Variants in CPSF1 observed in about 807,000 individuals in gnomAD.
The protein encoded by CPSF1 is cleavage and polyadenylation specific factor 1.
CPSF1 carries 106 observed loss-of-function variants against 175.8 expected under a neutral mutation model. The ratio of observed to expected loss-of-function variants is 0.60; its 90% CI spans 0.52 to 0.71. The LOEUF (loss-of-function observed/expected upper bound fraction) is 0.71. Ranked by LOEUF, CPSF1 falls within the 30% of genes least tolerant of loss-of-function variation. The pLI, the probability that CPSF1 is intolerant of heterozygous loss-of-function variation, is 0.00. For missense variants in CPSF1, 1,734 were observed against 2,022.9 expected (o/e 0.86, Z 2.74); for synonymous variants, 1,024 against 858.3 (o/e 1.19, Z -3.37).
rs1286273301 is a variant in CPSF1 at position 144,409,288 on chromosome 8, C to G, written c.-15+1G>C. The G allele has an allele frequency of 8.1e-6, 7 of 861,682 alleles. No homozygotes were observed. Among genetic ancestry groups the G allele is most frequent in the Non-Finnish European group, 1.1e-5 (7 of 664,084 alleles). The allele number at this position is 861,682 out of a possible 1,614,324, so 53.4% of individuals were successfully genotyped here. On this transcript the variant is annotated splice_donor_variant, in intron 1 of 37. Coordinates refer to ENST00000616140, the MANE Select transcript of CPSF1 (RefSeq NM_013291.3). LOFTEE classifies it low-confidence loss of function (5UTR_SPLICE). ...CCTCGGCCGCCCGCCCGGCCGCCCACCTGGCAGTTGGAGCCGACTCGAGAG... is the reference window on the plus strand; with the variant it reads ...CCTCGGCCGCCCGCCCGGCCGCCCAGCTGGCAGTTGGAGCCGACTCGAGAG...
chr8:144,397,801 G>A lies in CPSF1; in HGVS notation c.2152C>T (p.Arg718Cys), dbSNP rs781975619. Reference sequence around the variant, plus strand: ...CCACTGCGGCCCCCGAGCTCGTCACGGGCCCCACCCAGGCGGCTCTCAGTG... The same window carrying A: ...CCACTGCGGCCCCCGAGCTCGTCACAGGCCCCACCCAGGCGGCTCTCAGTG... Reference protein sequence around the residue: ...FTTESRLGGARDELGGRSGPE... With the variant: ...FTTESRLGGACDELGGRSGPE... The change falls in exon 21 of 38, where the codon CGT (arginine) becomes TGT (cysteine). Residue 718 changes from arginine to cysteine, a missense_variant. By Grantham distance (180) the Arg-to-Cys change is radical. Coordinates refer to ENST00000616140, the MANE Select transcript of CPSF1 (RefSeq NM_013291.3). 1.9e-5 allele frequency: 30 copies of A among 1,610,706 alleles called. No homozygotes were observed. Among genetic ancestry groups the A allele is most frequent in the Middle Eastern group, 1.7e-4 (1 of 6,052 alleles).
rs2116901609 is a variant in CPSF1, at chr8:144,405,347, G to A, written c.144+3668C>T. 2.0e-5 allele frequency among the ~76,000 whole-genome samples: 3 copies of A among 152,322 alleles called. No homozygotes were observed. The South Asian group carries it at 6.2e-4, about 32-fold the overall frequency. On this transcript the variant is annotated intron_variant, in intron 2 of 37. Transcript: ENST00000616140. ...AAACACCTGGGAATGTCTTGGCCGG[G>A]CTCCGTGGCTCACACCTGTAATCCC...
chr8:144,400,132 C>CT, intron 9 of CPSF1, 34 bp downstream of exon 9: 1 of 1,067,952 alleles, frequency 9.4e-7, no homozygotes, highest in South Asian at 1.5e-5. Context: ...AAGCCGTCCC[C>CT]GGGCCCCCCC....
At chr8:144,400,848 A>T in intron 6 of CPSF1, 31 bp from the exon 7 acceptor site, 1 of 1,610,882 alleles carries the variant, frequency 6.2e-7, no homozygotes, top group Non-Finnish European at 8.5e-7. Context: ...GCAGGAGAGG[A>T]GGGGAGGCGG....
chr8:144,400,135 G>GCGCCC, intron 9 of CPSF1, 31 bp downstream of exon 9: 3 of 896,002 alleles, frequency 3.3e-6, no homozygotes, highest in Non-Finnish European at 4.8e-6. Flanking sequence ...CCGTCCCCGG[G>GCGCCC]CCCCCCCCGC....
At position 144,399,935 on chromosome 8, in the gene CPSF1, C is replaced by G; in HGVS notation, c.1031+57G>C. 3 of 1,579,560 alleles carry G rather than the reference C, an allele frequency of 1.9e-6. No individual in the cohort carries two copies. Among genetic ancestry groups the G allele is most frequent in the Non-Finnish European group, 2.6e-6 (3 of 1,162,634 alleles). ...GGGGAGTGAAGGGGGCCAGGGGACC[C>G]TACAGGACTTGTGGGGGGCGGTGTG... On this transcript the variant is annotated intron_variant, in intron 10 of 37. Coordinates refer to ENST00000616140, the MANE Select transcript of CPSF1 (RefSeq NM_013291.3). The surrounding 1 kb of genome is among the most constrained non-coding windows in gnomAD (Gnocchi z 6.4).
At chr8:144,397,013 T>G (rs1461544498) in intron 23 of CPSF1, 84 bp from the exon 24 acceptor site, 8 of 1,064,614 alleles carry the variant, frequency 7.5e-6, no homozygotes, top group Middle Eastern at 4.0e-4. Flanking sequence ...GGGCTGTGGG[T>G]AAGGGGCGGG....
intron 30 of CPSF1, 43 bp from the exon 31 acceptor site, chr8:144,394,839 C>T (rs782782218): frequency 6.2e-7 from 1 of 1,612,346 alleles, no homozygotes; most frequent in South Asian, 1.1e-5. Flanking sequence ...GTGGGGATGG[C>T]AGAGGGGCTG....
rs546616154 is a variant in CPSF1 at position 144,393,343 on chromosome 8, G to A, written c.4307C>T (p.Thr1436Met). Residue 1436 changes from threonine to methionine, a missense_variant, in exon 38 of 38, where the codon ACG becomes ATG. Thr to Met is a moderately conservative substitution (Grantham distance 81). This residue lies in a region of CPSF1 where 323 missense variants were observed against 338.5 expected (regional missense o/e 0.95). Coordinates refer to ENST00000616140, the MANE Select transcript of CPSF1 (RefSeq NM_013291.3). ...PDIILDDLLE[T>M]DRVTAHF ...CTAGAAGTGGGCGGTGACGCGGTCC[G>A]TCTCCAGCAAGTCGTCCAGGATCTG... 15 of 1,495,604 alleles carry A rather than the reference G, an allele frequency of 1.0e-5. No homozygotes were observed. The East Asian group carries it at 1.8e-4, about 17-fold the overall frequency. The allele number at this position is 1,495,604 out of a possible 1,614,324, so 92.6% of individuals were successfully genotyped here.
intron 2 of CPSF1, among the ~76,000 whole-genome samples, chr8:144,402,976 G>A (rs2116893224): frequency 5.9e-5 from 9 of 152,118 alleles, no homozygotes; most frequent in East Asian, 1.9e-4. Flanking sequence ...AACAGCCATC[G>A]CTAAACTTAC....
rs1246390404 is a variant in CPSF1, at chr8:144,397,020, C to CG, written c.2593-92dup. 6 of 714,412 alleles carry CG rather than the reference C, an allele frequency of 8.4e-6. No homozygotes were observed. The African/African-American group carries it at 1.4e-4, about 17-fold the overall frequency. 44.3% of individuals were successfully genotyped at this position (714,412 alleles called of 1,614,324 possible). A position where few individuals can be genotyped will look rare whatever the true frequency, so the allele number is the denominator to read the frequency against. On this transcript the variant is annotated intron_variant, in intron 23 of 37. Transcript: ENST00000616140. ...GAAGAGGTGGGCTGTGGGTAAGGGG[C>CG]GGGGCTGAGATGGGGTGGAGCCATG...
chr8:144,403,047 G>A, intron 2 of CPSF1, among the ~76,000 whole-genome samples: 1 of 152,034 alleles, frequency 6.6e-6, no homozygotes, highest in East Asian at 1.9e-4. Context: ...AAAAGCATCT[G>A]ATAAAGGCAT....
At chr8:144,403,013 T>C (rs1336356987) in intron 2 of CPSF1, among the ~76,000 whole-genome samples, 1 of 151,918 alleles carries the variant, frequency 6.6e-6, no homozygotes, top group Non-Finnish European at 1.5e-5. Context: ...AGGAGAAAAA[T>C]CATGTCATTT....
At position 144,398,070 on chromosome 8, in the gene CPSF1, C is replaced by T. The variant is rs782677886; in HGVS notation, c.1957G>A (p.Asp653Asn). 75 of 1,611,882 alleles carry T rather than the reference C, an allele frequency of 4.7e-5. No homozygotes were observed. In the East Asian group the frequency reaches 1.3e-3, roughly 28 times the overall value. ...GAPIVQCAVA[D>N]PYVVIMSAEG... ...GCACTCATGATGACCACATAGGGGT[C>T]GGCCACGGCGCACTGCACGATGGGG... The change falls in exon 20 of 38, where the codon GAC becomes AAC. Residue 653 changes from aspartate (D) to asparagine (N), a missense_variant. Physicochemically the swap from Asp to Asn is conservative, Grantham distance 23. Around this residue, in one of 10 missense-constraint regions of CPSF1, gnomAD observed 280 missense variants for 349.2 expected, o/e 0.80. Coordinates refer to ENST00000616140, the MANE Select transcript of CPSF1 (RefSeq NM_013291.3).
chr8:144,395,257 G>A lies in CPSF1; in HGVS notation c.3187+8C>T, dbSNP rs374511857. ...CTGAGGATGGGAGTATGGTGTGGGC[G>A]TCACCACCTCTCTCGATGGTCTCAA... On this transcript the variant is annotated splice_region_variant and intron_variant, in intron 28 of 37. Coordinates refer to ENST00000616140, the MANE Select transcript of CPSF1 (RefSeq NM_013291.3). The A allele has an allele frequency of 5.6e-5, 91 of 1,612,876 alleles. No individual in the cohort carries two copies. The highest frequency in any genetic ancestry group is 4.7e-4 in the East Asian group (21 of 44,884).
At chr8:144,396,298 C>T (rs991533146) in intron 26 of CPSF1, 50 bp downstream of exon 26, 3 of 1,542,706 alleles carry the variant, frequency 1.9e-6, no homozygotes, top group Non-Finnish European at 2.6e-6. Flanking sequence ...CCCTCAGCCC[C>T]CAGCTGGGGC....
intron 2 of CPSF1, among the ~76,000 whole-genome samples, chr8:144,405,593 T>G (rs13266019): frequency 0.34 from 52,351 of 151,758 alleles, 9,948 homozygotes; most frequent in East Asian, 0.65. Context: ...TGTTGCACTC[T>G]ATCCTGGGTG....
intron 7 of CPSF1, 39 bp from the exon 8 acceptor site, chr8:144,400,532 C>T (rs2116876037): frequency 6.2e-7 from 1 of 1,610,304 alleles, no homozygotes; most frequent in African/African-American, 1.3e-5. Context: ...CCTTGCCTCC[C>T]CGCAGAGACC....
Position 144,397,796 on chromosome 8 carries a change from G to T in CPSF1, c.2157C>A (p.Asp719Glu). The change falls in exon 21 of 38, where the codon GAC (aspartate) becomes GAA (glutamate). Residue 719 changes from aspartate (D) to glutamate (E), a missense_variant. Physicochemically the swap from Asp to Glu is conservative, Grantham distance 45. This residue lies in a region of CPSF1 where 585 missense variants were observed against 584.7 expected (regional missense o/e 1.00). Coordinates refer to ENST00000616140, the MANE Select transcript of CPSF1 (RefSeq NM_013291.3). ...CCGGGCCACTGCGGCCCCCGAGCTCGTCACGGGCCCCACCCAGGCGGCTCT... is the reference window on the plus strand; with the variant it reads ...CCGGGCCACTGCGGCCCCCGAGCTCTTCACGGGCCCCACCCAGGCGGCTCT... ...TTESRLGGAR[D>E]ELGGRSGPEA... is the part of the protein sequence containing the mutation. 2 of 1,610,470 alleles carry T rather than the reference G, an allele frequency of 1.2e-6. No individual in the cohort carries two copies. Among genetic ancestry groups the T allele is most frequent in the Non-Finnish European group, 1.7e-6 (2 of 1,178,990 alleles).
Sources: gnomAD v4.1 joint callset for allele counts (sites outside exome capture counted in the v4.1 genomes callset) on GRCh38, gnomAD v4.1.1 for gene constraint, gnomAD v4.1.1 regional missense constraint, Gnocchi (gnomAD v3.1) non-coding constraint, MANE v1.5 for transcripts, NCBI Gene and HGNC (gene_info 2026-07-23, HGNC 2026-07-21) for gene names.